The following BAIAP2 variants were observed in gnomAD, a reference collection of about 807,000 sequenced individuals.
BAIAP2 encodes BAR/IMD domain containing adaptor protein 2.
BAIAP2 carries 18 observed loss-of-function variants against 63.0 expected under a neutral mutation model. The ratio of observed to expected loss-of-function variants is 0.29; its 90% confidence interval spans 0.20 to 0.42. The LOEUF (loss-of-function observed/expected upper bound fraction) is 0.42, where lower values mean the gene tolerates loss of function less well. BAIAP2 is among the 10% of genes least tolerant of loss of function. The pLI, the probability that BAIAP2 is intolerant of heterozygous loss-of-function variation, is 1.00. For missense variants in BAIAP2, 610 were observed against 734.3 expected (o/e 0.83, Z 1.96); for synonymous variants, 386 against 307.6 (o/e 1.25, Z -2.67).
intron 3 of BAIAP2, chr17:81,083,213 GGGC>G (rs1484378592): frequency 2.6e-5 from 4 of 152,404 alleles, no homozygotes; most frequent in Non-Finnish European, 5.9e-5. Flanking sequence ...GTTGGGCACT[GGGC>G]GATCCTAGTG....
chr17:81,089,695 C>A (rs8068842), intron 6 of BAIAP2, among the ~76,000 whole-genome samples: 141,465 of 152,110 alleles, frequency 0.93, 66,042 homozygotes, highest in East Asian at 1. Context: ...GGCCAGACCC[C>A]GGAGCCCGGC....
intron 1 of BAIAP2, among the ~76,000 whole-genome samples, chr17:81,051,065 C>G (rs113904948): frequency 3.5e-4 from 53 of 152,020 alleles, no homozygotes; most frequent in African/African-American, 1.3e-3. Flanking sequence ...TATCTCACCC[C>G]ACTCCCGGTG....
intron 1 of BAIAP2, among the ~76,000 whole-genome samples, chr17:81,037,208 G>T (rs1017855136): frequency 1.3e-5 from 2 of 152,248 alleles, no homozygotes; most frequent in African/African-American, 4.8e-5. Context: ...TCCACGGGTG[G>T]GTTAATTGGT....
chr17:81,075,187 T>C (rs1475039533), intron 3 of BAIAP2, among the ~76,000 whole-genome samples: 2 of 152,212 alleles, frequency 1.3e-5, no homozygotes, highest in African/African-American at 4.8e-5. Flanking sequence ...GGGGGAAACT[T>C]CCTGGTGCCT....
chr17:81,064,567 C>T (rs2051134538), intron 3 of BAIAP2, among the ~76,000 whole-genome samples: 1 of 152,068 alleles, frequency 6.6e-6, no homozygotes, highest in Non-Finnish European at 1.5e-5. Context: ...TGCTTCTGAA[C>T]CAGAGCCTGG....
chr17:81,087,402 T>TGC (rs2055874317), intron 6 of BAIAP2: 1 of 152,224 alleles, frequency 6.6e-6, no homozygotes, highest in Admixed American at 6.5e-5. Context: ...CGTGTGTGTG[T>TGC]GCGACCGTCT....
chr17:81,054,380 C>G (rs532158089), intron 2 of BAIAP2, among the ~76,000 whole-genome samples: 1 of 152,322 alleles, frequency 6.6e-6, no homozygotes, highest in Non-Finnish European at 1.5e-5. Flanking sequence ...TGGACTTGGG[C>G]ACAGCCTGTG....
chr17:81,045,295 C>T (rs2047652433), intron 1 of BAIAP2, among the ~76,000 whole-genome samples: 1 of 152,194 alleles, frequency 6.6e-6, no homozygotes, highest in African/African-American at 2.4e-5. Flanking sequence ...GAAAGGGAAG[C>T]AGGGCCCCAG....
At chr17:81,111,705 G>T (rs1307569505) in intron 13 of BAIAP2, among the ~76,000 whole-genome samples, 2 of 152,240 alleles carry the variant, frequency 1.3e-5, no homozygotes, top group South Asian at 4.1e-4. Flanking sequence ...CTCCCCTGGT[G>T]CCTGGTGTAT....
intron 1 of BAIAP2, among the ~76,000 whole-genome samples, chr17:81,038,153 T>C (rs2046550342): frequency 6.6e-6 from 1 of 152,254 alleles, no homozygotes; most frequent in African/African-American, 2.4e-5. Flanking sequence ...CCCTGGGTAG[T>C]GGCCCAGATG....
chr17:81,108,613 G>C, intron 13 of BAIAP2, 104 bp downstream of exon 13: 10 of 1,464,690 alleles, frequency 6.8e-6, no homozygotes, highest in Non-Finnish European at 9.5e-6. Context: ...TTTTCCTTTA[G>C]GGCCCAGCCT....
At chr17:81,086,686 TCAGA>T (rs2055709170) in intron 6 of BAIAP2, 106 bp downstream of exon 6, 2 of 1,327,538 alleles carry the variant, frequency 1.5e-6, no homozygotes, top group Non-Finnish European at 2.1e-6. Flanking sequence ...CCAGGTGCGA[TCAGA>T]CAGAGGCAGG....
chr17:81,056,142 AGGCTGAGGC>A (rs1403332920), intron 2 of BAIAP2, among the ~76,000 whole-genome samples: 1 of 152,126 alleles, frequency 6.6e-6, no homozygotes, highest in African/African-American at 2.4e-5. Context: ...CAGAGTAGGA[AGGCTGAGGC>A]CCGGCTCGAG....
intron 1 of BAIAP2, among the ~76,000 whole-genome samples, chr17:81,045,950 G>A (rs1473748035): frequency 6.6e-6 from 1 of 152,184 alleles, no homozygotes; most frequent in Non-Finnish European, 1.5e-5. Context: ...AGAGGTGCCT[G>A]CTTCCTGACA....
chr17:81,105,948 T>C, intron 10 of BAIAP2, 130 bp from the exon 11 acceptor site: 1 of 743,076 alleles, frequency 1.3e-6, no homozygotes, highest in Non-Finnish European at 2.2e-6. Flanking sequence ...TGGAGCACTG[T>C]CTCTGTTGCT....
intron 4 of BAIAP2, 153 bp downstream of exon 4, chr17:81,085,046 A>C: frequency 1.3e-6 from 1 of 769,156 alleles, no homozygotes; most frequent in Non-Finnish European, 2.2e-6. Flanking sequence ...CACAAGCCAC[A>C]CTCGAAGGAG....
At chr17:81,061,559 T>C (rs980689674) in intron 3 of BAIAP2, among the ~76,000 whole-genome samples, 6 of 152,154 alleles carry the variant, frequency 3.9e-5, no homozygotes, top group East Asian at 1.9e-4. Flanking sequence ...TCCTCGGGTG[T>C]GCGTGGTTAT....
intron 6 of BAIAP2, among the ~76,000 whole-genome samples, chr17:81,091,062 GGACCCGC>G (rs2056661609): frequency 1.1e-5 from 1 of 87,730 alleles, no homozygotes; most frequent in Non-Finnish European, 2.7e-5. Context: ...CCACTTGTGT[GGACCCGC>G]CCCCACTTGT....
chr17:81,052,870 C>G (rs559377073), intron 1 of BAIAP2, among the ~76,000 whole-genome samples: 1 of 152,248 alleles, frequency 6.6e-6, no homozygotes, highest in African/African-American at 2.4e-5. Context: ...AGATCAGGAT[C>G]ACATCATAAC....
Sources: allele counts gnomAD v4.1 joint callset (sites outside exome capture counted in the v4.1 genomes callset), GRCh38; gene constraint gnomAD v4.1.1; transcripts MANE v1.5; gene names NCBI Gene and HGNC (gene_info 2026-07-23, HGNC 2026-07-21).